MYADML2: variants seen among roughly 807,000 people sequenced by gnomAD.
MYADML2 encodes myeloid-associated differentiation marker-like protein 2.
In MYADML2, 17 loss-of-function variants were observed where a neutral mutation model predicts 16.0. The ratio of observed to expected loss-of-function variants is 1.06; its 90% CI spans 0.73 to 1.60. The LOEUF is 1.60. MYADML2 is among the 40% of genes most tolerant of loss of function. The pLI is 0.00. For missense variants in MYADML2, 422 were observed against 437.7 expected, an observed-to-expected ratio of 0.96 and a Z score of 0.32; for synonymous variants, 210 against 208.1, an observed-to-expected ratio of 1.01 and a Z score of -0.08.
In MYADML2 at chr17:81,941,435, C is replaced by A. The variant is rs1234479133; in HGVS notation, c.307G>T (p.Ala103Ser). The A allele has an allele frequency of 6.5e-7, 1 of 1,549,360 alleles. No homozygotes were observed. The highest frequency in any genetic ancestry group is 8.7e-7 in the Non-Finnish European group (1 of 1,146,678). ...MLATLLCATA[A>S]VLYPLYFARR... ...GCAAAGTACAGCGGATACAGGACCG[C>A]AGCCGTCGCGCATAGCAGGGTGGCC... is the stretch of plus-strand genomic sequence containing the variant. The change falls in exon 3 of 3, where the codon GCG becomes TCG. Residue 103 changes from alanine to serine, a missense_variant. By Grantham distance (99) the Ala-to-Ser change is moderately conservative (BLOSUM62 1). Coordinates refer to ENST00000409745, the MANE Select transcript of MYADML2 (RefSeq NM_001145113.3).
Position 81,941,637 on chromosome 17 carries a change from A to T in MYADML2, c.105T>A (p.Thr35=). The part of the protein sequence containing the change: ...ARVLQLAFGC[T]TFSLVAHRGG... ...CCCGGTGGGCCACCAGGCTGAAGGTAGTGCAGCCAAAGGCCAGCTGCAGCA... is the reference window on the plus strand; with the variant it reads ...CCCGGTGGGCCACCAGGCTGAAGGTTGTGCAGCCAAAGGCCAGCTGCAGCA... The change falls in exon 3 of 3, where the codon ACT becomes ACA. Residue 35 remains threonine (T), a synonymous_variant. Transcript: ENST00000409745. 6.5e-6 allele frequency: 10 copies of T among 1,549,484 alleles called. No homozygotes were observed. Among genetic ancestry groups the T allele is most frequent in the Non-Finnish European group, 7.8e-6 (9 of 1,146,820 alleles).
At chr17:81,943,076 T>C (rs1022915525) in intron 1 of MYADML2, among the ~76,000 whole-genome samples, 26 of 148,484 alleles carry the variant, frequency 1.8e-4, no homozygotes, top group African/African-American at 6.4e-4. Context: ...AATGATATCT[T>C]TTTTTTTTTT....
At chr17:81,946,455 T>C (rs531301506) in intron 1 of MYADML2, among the ~76,000 whole-genome samples, 23 of 150,974 alleles carry the variant, frequency 1.5e-4, no homozygotes, top group Admixed American at 8.6e-4. Context: ...GAGACCATCC[T>C]GGCCAACGTG....
chr17:81,940,143 A>C lies in MYADML2; in HGVS notation c.*675T>G, dbSNP rs1173268738. On this transcript the variant is annotated 3_prime_UTR_variant, in exon 3 of 3. Coordinates refer to ENST00000409745, the MANE Select transcript of MYADML2 (RefSeq NM_001145113.3). ...GAGACTCCGGAGGAAGCCTGCTTCC[A>C]AACACTGTGGCTACCAGCCCAGAGG... 6.6e-6 allele frequency: 1 copy of C among 152,268 alleles called. No homozygotes were observed. Among genetic ancestry groups the C allele is most frequent in the Admixed American group, 6.5e-5 (1 of 15,288 alleles). 9.4% of individuals were successfully genotyped at this position (152,268 alleles called of 1,614,324 possible).
In MYADML2 at chr17:81,946,226, G is replaced by A. The variant is rs746522590; in HGVS notation, c.-181+833C>T. Among the ~76,000 whole-genome samples, 7 of 151,808 alleles carry A rather than the reference G, an allele frequency of 4.6e-5. 1 individual carries two copies. The highest frequency in any genetic ancestry group is 7.4e-5 in the Non-Finnish European group (5 of 67,944). On this transcript the variant is annotated intron_variant, in intron 1 of 2. Transcript: ENST00000409745. ...AAAAATTAGCCGGGCGTGGTGGTGG[G>A]TGCCTGTAGTCCCAGCTACTTGGGA...
chr17:81,944,258 A>C (rs1321398608), intron 1 of MYADML2, among the ~76,000 whole-genome samples: 1 of 151,904 alleles, frequency 6.6e-6, no homozygotes, highest in Non-Finnish European at 1.5e-5. Context: ...TACAAAAACA[A>C]AATTAGCTGG....
intron 1 of MYADML2, among the ~76,000 whole-genome samples, chr17:81,944,501 A>G (rs1035619858): frequency 7.2e-5 from 11 of 152,154 alleles, no homozygotes; most frequent in African/African-American, 2.7e-4. Flanking sequence ...GGAGTCTTTT[A>G]TTGTGGTATT....
In MYADML2 at chr17:81,941,225, A is replaced by G; in HGVS notation, c.517T>C (p.Phe173Leu). 1 of 1,550,168 alleles carries G rather than the reference A, an allele frequency of 6.5e-7. No individual in the cohort carries two copies. The highest frequency in any genetic ancestry group is 8.7e-7 in the Non-Finnish European group (1 of 1,146,918). The stretch of plus-strand genomic sequence containing the variant: ...GCCCCGAAGATGATGCAGGCCACGA[A>G]GGCCTGGACGATCTTGAGGAGCCCC... ...VSGLLKIVQA[F>L]VACIIFGALV... The change falls in exon 3 of 3, where the codon TTC (phenylalanine) becomes CTC (leucine). Residue 173 changes from phenylalanine to leucine, a missense_variant. Transcript: ENST00000409745.
At position 81,941,480 on chromosome 17, in the gene MYADML2, T is replaced by A. The variant is rs2041303881; in HGVS notation, c.262A>T (p.Thr88Ser). The stretch of plus-strand genomic sequence containing the variant: ...GTGGCCAGCATGGCGAAGGCGGCGG[T>A]GAAGTTGCCCCAGGAGAGCCGCAGG... ...GCLRLSWGNF[T>S]AAFAMLATLL... The change falls in exon 3 of 3, where the codon ACC (threonine) becomes TCC (serine). Residue 88 changes from threonine to serine, a missense_variant. Thr to Ser is a moderately conservative substitution (Grantham distance 58). Transcript: ENST00000409745. The A allele has an allele frequency of 6.5e-7, 1 of 1,548,444 alleles. No homozygotes were observed. Among genetic ancestry groups the A allele is most frequent in the East Asian group, 2.4e-5 (1 of 40,858 alleles).
intron 1 of MYADML2, among the ~76,000 whole-genome samples, chr17:81,946,291 G>C (rs1454800599): frequency 1.3e-5 from 2 of 151,058 alleles, no homozygotes; most frequent in Non-Finnish European, 2.9e-5. Context: ...GAAGGCAGAG[G>C]TTGCAGTCAG....
chr17:81,940,850 A>G lies in MYADML2; in HGVS notation c.892T>C (p.Ser298Pro), dbSNP rs1598362030. ...LLLYVVDLAY[S>P]QRIRFVPSL ...CTGGGCACGAAGCGAATCCTCTGGG[A>G]GTAGGCGAGGTCAACGACGTACAGG... Residue 298 changes from serine to proline, a missense_variant, in exon 3 of 3, where the codon TCC becomes CCC. Transcript: ENST00000409745. 1 of 1,522,508 alleles carries G rather than the reference A, an allele frequency of 6.6e-7. No individual in the cohort carries two copies. The highest frequency in any genetic ancestry group is 8.9e-7 in the Non-Finnish European group (1 of 1,129,912). 94.3% of individuals were successfully genotyped at this position (1,522,508 alleles called of 1,614,324 possible).
chr17:81,941,906 C>T (rs901586853), intron 2 of MYADML2, 63 bp from the exon 3 acceptor site: 8 of 647,154 alleles, frequency 1.2e-5, no homozygotes, highest in African/African-American at 7.3e-5. Context: ...CTATGTGAGG[C>T]GGCTCCCCCC....
chr17:81,945,405 GAT>G (rs1567934338), intron 1 of MYADML2, among the ~76,000 whole-genome samples: 3 of 152,186 alleles, frequency 2.0e-5, no homozygotes, highest in South Asian at 4.2e-4. Flanking sequence ...CAGGCGTGGT[GAT>G]GGGCGCCTGT....
At chr17:81,943,237 T>C (rs2041319262) in intron 1 of MYADML2, among the ~76,000 whole-genome samples, 1 of 150,034 alleles carries the variant, frequency 6.7e-6, no homozygotes. Flanking sequence ...GCCCGGCTAA[T>C]TTTTAGGATT....
chr17:81,946,259 G>T (rs1038847531), intron 1 of MYADML2, among the ~76,000 whole-genome samples: 2 of 151,840 alleles, frequency 1.3e-5, no homozygotes, highest in African/African-American at 2.4e-5. Context: ...GGAGGCTGAG[G>T]CAGGAGAATC....
In MYADML2 at chr17:81,941,394, G is replaced by A; in HGVS notation, c.348C>T (p.Ser116=). 2.6e-6 allele frequency: 4 copies of A among 1,549,060 alleles called. No homozygotes were observed. The highest frequency in any genetic ancestry group is 3.5e-6 in the Non-Finnish European group (4 of 1,146,406). The change falls in exon 3 of 3, where the codon TCC becomes TCT. Residue 116 remains serine, a synonymous_variant. Transcript: ENST00000409745. ...TGGCAGCACAGCCGGCGGGCTCGGG[G>A]GAACACTCCCGCCGGGCAAAGTACA... ...YPLYFARREC[S]PEPAGCAARD...
In MYADML2 at chr17:81,941,242, A is replaced by G. The variant is rs1253957111; in HGVS notation, c.500T>C (p.Leu167Pro). Residue 167 changes from leucine to proline, a missense_variant, in exon 3 of 3, where the codon CTC (leucine) becomes CCC (proline). Coordinates refer to ENST00000409745, the MANE Select transcript of MYADML2 (RefSeq NM_001145113.3). ...GGCCACGAAGGCCTGGACGATCTTG[A>G]GGAGCCCCGACACCGTGGCCATATA... ...SSYMATVSGL[L>P]KIVQAFVACI... 1 of 1,550,136 alleles carries G rather than the reference A, an allele frequency of 6.5e-7. No individual in the cohort carries two copies. The highest frequency in any genetic ancestry group is 1.2e-5 in the South Asian group (1 of 84,064).
Position 81,940,503 on chromosome 17 carries a change from T to C in MYADML2, c.*315A>G. On this transcript the variant is annotated 3_prime_UTR_variant, in exon 3 of 3. Coordinates refer to ENST00000409745, the MANE Select transcript of MYADML2 (RefSeq NM_001145113.3). ...GTCACAACAGCAGCTGCTTTAAAGT[T>C]TTCCCTTATGATGTTCCAGTGACCA... is the stretch of plus-strand genomic sequence containing the variant. The C allele has an allele frequency of 3.2e-6, 1 of 317,070 alleles. No individual in the cohort carries two copies. Among genetic ancestry groups the C allele is most frequent in the Admixed American group, 4.4e-5 (1 of 22,568 alleles). The allele number at this position is 317,070 out of a possible 1,614,324, so 19.6% of individuals were successfully genotyped here. A position where few individuals can be genotyped will look rare whatever the true frequency, so the allele number is the denominator to read the frequency against.
In MYADML2 at chr17:81,947,190, C is replaced by T. The variant is rs1023396910; in HGVS notation, c.-312G>A. The T allele has an allele frequency of 3.9e-5, 6 of 152,156 alleles. No individual in the cohort carries two copies. Among genetic ancestry groups the T allele is most frequent in the African/African-American group, 1.4e-4 (6 of 41,434 alleles). 9.4% of individuals were successfully genotyped at this position (152,156 alleles called of 1,614,324 possible). A position where few individuals can be genotyped will look rare whatever the true frequency, so the allele number is the denominator to read the frequency against. On this transcript the variant is annotated 5_prime_UTR_variant, in exon 1 of 3. It introduces an in-frame stop codon into an upstream open reading frame of the 5' UTR. Coordinates refer to ENST00000409745, the MANE Select transcript of MYADML2 (RefSeq NM_001145113.3). Reference sequence around the variant, plus strand: ...TTTGGAGGTACTGGATCCCATCCCCCAAGGATACAAAGGGACAGCTGTACT... The same window carrying T: ...TTTGGAGGTACTGGATCCCATCCCCTAAGGATACAAAGGGACAGCTGTACT...
Sources: allele counts gnomAD v4.1 joint callset (sites outside exome capture counted in the v4.1 genomes callset), GRCh38; gene constraint gnomAD v4.1.1; transcripts MANE v1.5; gene names NCBI Gene and HGNC (gene_info 2026-07-23, HGNC 2026-07-21).